ARHGAP4: variants seen among roughly 807,000 people sequenced by gnomAD.
ARHGAP4 encodes Rho GTPase activating protein 4, also known as rho GTPase-activating protein 4.
A neutral mutation model predicts 67.6 loss-of-function variants in ARHGAP4; 25 were observed. The ratio of observed to expected loss-of-function variants is 0.37; its 90% confidence interval spans 0.27 to 0.52. The LOEUF is 0.52. ARHGAP4 is among the 20% of genes least tolerant of loss of function. ARHGAP4 has a pLI of 0.92. For missense variants in ARHGAP4, 804 were observed against 854.6 expected, an observed-to-expected ratio of 0.94 and a Z score of 0.74; for synonymous variants, 448 against 373.7, an observed-to-expected ratio of 1.20 and a Z score of -2.29.
intron 1 of ARHGAP4, among the ~76,000 whole-genome samples, chrX:153,925,908 G>A (rs1277843600): frequency 7.1e-5 from 8 of 113,123 alleles, no homozygotes; most frequent in Non-Finnish European, 1.5e-4. Flanking sequence ...AAGGAGGACA[G>A]AGACCAAAGG....
rs782493227 is a variant in ARHGAP4, at chrX:153,912,709, C to T, written c.1533G>A (p.Lys511=). ...GGGGCAAAGCTAGTACCTGGATAAA[C>T]TTCTCCATGTCTCCCCCAAAGAGTC... is the stretch of plus-strand genomic sequence containing the variant. ...NQRLFGGDME[K]FIQSSGQPVP... is the part of the protein sequence containing the mutation. Residue 511 remains lysine, a synonymous_variant, in exon 12 of 22, where the codon AAG becomes AAA. Coordinates refer to ENST00000350060, the MANE Select transcript of ARHGAP4 (RefSeq NM_001666.5). The T allele has an allele frequency of 8.3e-7, 1 of 1,208,447 alleles. No homozygotes were observed. The highest frequency in any genetic ancestry group is 1.7e-5 in the African/African-American group (1 of 57,761).
At position 153,907,413 on chromosome X, in the gene ARHGAP4, C is replaced by T. The variant is rs2064978440; in HGVS notation, c.*316G>A. The T allele has an allele frequency of 3.2e-6, 1 of 314,555 alleles. No homozygotes were observed. Among genetic ancestry groups the T allele is most frequent in the Non-Finnish European group, 5.7e-6 (1 of 175,872 alleles). The allele number at this position is 314,555 out of a possible 1,213,427, so 25.9% of individuals were successfully genotyped here. A position where few individuals can be genotyped will look rare whatever the true frequency, so the allele number is the denominator to read the frequency against. On this transcript the variant is annotated 3_prime_UTR_variant, in exon 22 of 22. Transcript: ENST00000350060. ...CACGAGGTCTTTATGAATCGCCACCCAGCCCTGCCAGGCATCTGAGCAAGG... is the reference window on the plus strand; with the variant it reads ...CACGAGGTCTTTATGAATCGCCACCTAGCCCTGCCAGGCATCTGAGCAAGG...
Position 153,910,745 on chromosome X carries a change from G to A in ARHGAP4, c.1771C>T (p.Pro591Ser), listed in dbSNP as rs782240907. ...LKLYFRSLEP[P>S]LFPPDLFGEL... is the part of the protein sequence containing the mutation. ...CCGAACAGGTCTGGGGGGAAGAGTG[G>A]GGGCTCCAGGCTCCGGAAGTAGAGC... Residue 591 changes from proline (P) to serine (S), a missense_variant, in exon 15 of 22, where the codon CCA (proline) becomes TCA (serine). Transcript: ENST00000350060. The A allele has an allele frequency of 2.2e-5, 26 of 1,193,139 alleles. No homozygotes were observed. Among genetic ancestry groups the A allele is most frequent in the East Asian group, 3.0e-5 (1 of 32,990 alleles).
At position 153,920,716 on chromosome X, in the gene ARHGAP4, G is replaced by A. The variant is rs1160976403; in HGVS notation, c.591C>T (p.Gly197=). The change falls in exon 5 of 22, where the codon GGC becomes GGT. Residue 197 remains glycine (G), a synonymous_variant. Transcript: ENST00000350060. ...EAERQEEKRA[G]RSVPTTTAGA... ...CAGCGGTGGTGGTGGGGACACTCCG[G>A]CCTGCCCGCTTCTCCTCCTGCCGCT... 20 of 1,210,696 alleles carry A rather than the reference G, an allele frequency of 1.7e-5. No individual in the cohort carries two copies. Among genetic ancestry groups the A allele is most frequent in the Admixed American group, 2.2e-5 (1 of 46,024 alleles).
Position 153,919,233 on chromosome X carries a change from G to A in ARHGAP4, c.732C>T (p.Asn244=), listed in dbSNP as rs782801557. 44 of 1,210,866 alleles carry A rather than the reference G, an allele frequency of 3.6e-5. No individual in the cohort carries two copies. The East Asian group carries it at 5.9e-4, about 16-fold the overall frequency. Reference sequence around the variant, plus strand: ...CACTAGCCAGGCTAAGCAGGTACTCGTTGCGCGCCTTTGTGCACTTGAGTT... The same window carrying A: ...CACTAGCCAGGCTAAGCAGGTACTCATTGCGCGCCTTTGTGCACTTGAGTT... The part of the protein sequence containing the change: ...EHKLKCTKAR[N]EYLLSLASVN... The change falls in exon 6 of 22, where the codon AAC becomes AAT. Residue 244 remains asparagine (N), a synonymous_variant. Transcript: ENST00000350060.
At position 153,907,824 on chromosome X, in the gene ARHGAP4, C is replaced by T; in HGVS notation, c.2746G>A (p.Gly916Ser). 9.9e-7 allele frequency: 1 copy of T among 1,012,389 alleles called. No individual in the cohort carries two copies. The highest frequency in any genetic ancestry group is 1.3e-6 in the Non-Finnish European group (1 of 789,444). 83.4% of individuals were successfully genotyped at this position (1,012,389 alleles called of 1,213,427 possible). A position where few individuals can be genotyped will look rare whatever the true frequency, so the allele number is the denominator to read the frequency against. ...CCCCGGGAGAAGCCTTTGTTCCTGCCCAGGCGGCTGCTGGGCGGGGCCTTT... is the reference window on the plus strand; with the variant it reads ...CCCCGGGAGAAGCCTTTGTTCCTGCTCAGGCGGCTGCTGGGCGGGGCCTTT... ...SPKAPPSSRLGRNKGFSRGPG... is the reference protein window; with the variant it reads ...SPKAPPSSRLSRNKGFSRGPG... Residue 916 changes from glycine to serine, a missense_variant, in exon 22 of 22, where the codon GGC becomes AGC. Coordinates refer to ENST00000350060, the MANE Select transcript of ARHGAP4 (RefSeq NM_001666.5).
intron 12 of ARHGAP4, 62 bp from the exon 13 acceptor site, chrX:153,911,251 G>C: frequency 3.6e-6 from 2 of 561,765 alleles, no homozygotes; most frequent in African/African-American, 2.8e-5. Flanking sequence ...TCATTCAATT[G>C]CTTTTTTTTT....
In ARHGAP4 at chrX:153,921,408, C is replaced by T. The variant is rs1457829264; in HGVS notation, c.392G>A (p.Arg131His). Residue 131 changes from arginine to histidine, a missense_variant, in exon 3 of 22, where the codon CGC becomes CAC. Around this residue, in one of 2 missense-constraint regions of ARHGAP4, gnomAD observed 404 missense variants for 505.9 expected, o/e 0.80. Coordinates refer to ENST00000350060, the MANE Select transcript of ARHGAP4 (RefSeq NM_001666.5). ...CACGTCCTCTGCAATGTGACTCAGG[C>T]GCTGGGCCAGGGGCCCGGCCAGCAC... ...SEVLAGPLAQ[R>H]LSHIAEDVGR... 9.9e-6 allele frequency: 12 copies of T among 1,209,370 alleles called. No individual in the cohort carries two copies. The highest frequency in any genetic ancestry group is 4.4e-5 in the Admixed American group (2 of 45,933).
At chrX:153,918,783 T>C (rs2065072305) in intron 7 of ARHGAP4, 49 bp downstream of exon 7, 4 of 1,160,025 alleles carry the variant, frequency 3.4e-6, no homozygotes, top group Non-Finnish European at 4.7e-6. Flanking sequence ...CTGCCCACCA[T>C]TACAGTGAAG....
At position 153,910,830 on chromosome X, in the gene ARHGAP4, C is replaced by T. The variant is rs62620965; in HGVS notation, c.1686G>A (p.Glu562=). Residue 562 remains glutamate, a synonymous_variant, in exon 15 of 22, where the codon GAG becomes GAA. Coordinates refer to ENST00000350060, the MANE Select transcript of ARHGAP4 (RefSeq NM_001666.5). ...SEIRDAFERG[E]DPLVEGCTAH... is the part of the protein sequence containing the mutation. Reference sequence around the variant, plus strand: ...CAGTGCAGCCCTCCACCAGTGGGTCCTCCCCTGCAGATGGGCGAGTGGTGC... The same window carrying T: ...CAGTGCAGCCCTCCACCAGTGGGTCTTCCCCTGCAGATGGGCGAGTGGTGC... The T allele has an allele frequency of 0.069, 82,388 of 1,188,378 alleles. 2,371 individuals are homozygous for T. Among genetic ancestry groups the T allele is most frequent in the Non-Finnish European group, 0.082 (72,242 of 883,331 alleles).
chrX:153,921,035 C>T lies in ARHGAP4; in HGVS notation c.498+62G>A, dbSNP rs1189811418. On this transcript the variant is annotated intron_variant, in intron 4 of 21. Coordinates refer to ENST00000350060, the MANE Select transcript of ARHGAP4 (RefSeq NM_001666.5). ...TGATGGTCTGGCGGTGTTCCTCCCC[C>T]ACTGTGAGTGGCATTTCTCCCTGGA... 9 of 1,143,263 alleles carry T rather than the reference C, an allele frequency of 7.9e-6. No individual in the cohort carries two copies. The African/African-American group carries it at 9.0e-5, about 11-fold the overall frequency. The allele number at this position is 1,143,263 out of a possible 1,213,427, so 94.2% of individuals were successfully genotyped here.
At chrX:153,918,613 C>T (rs1467003554) in intron 7 of ARHGAP4, among the ~76,000 whole-genome samples, 1 of 112,959 alleles carries the variant, frequency 8.9e-6, no homozygotes, top group Non-Finnish European at 1.9e-5. Context: ...CTGCCTGCTG[C>T]ACGGTTTGAA....
intron 7 of ARHGAP4, among the ~76,000 whole-genome samples, chrX:153,918,625 A>G (rs369083855): frequency 4.4e-5 from 5 of 112,884 alleles, no homozygotes; most frequent in East Asian, 2.8e-4. Context: ...CGGTTTGAAC[A>G]GTTAGTGTCT....
chrX:153,909,048 C>T (rs782065792), intron 21 of ARHGAP4, 22 bp downstream of exon 21: 51 of 1,196,501 alleles, frequency 4.3e-5, no homozygotes, highest in Admixed American at 2.6e-4. Flanking sequence ...ATGTCCCTCA[C>T]CTGCCACACA....
Position 153,922,018 on chromosome X carries a change from C to T in ARHGAP4, c.68-209G>A, listed in dbSNP as rs1012014088. ...GCAGATCTGGCCTCAGCTGTCCAGCCGACCTCTGCGCTGAGGCCAACAGAT... is the reference window on the plus strand; with the variant it reads ...GCAGATCTGGCCTCAGCTGTCCAGCTGACCTCTGCGCTGAGGCCAACAGAT... On this transcript the variant is annotated intron_variant, in intron 1 of 21. Coordinates refer to ENST00000350060, the MANE Select transcript of ARHGAP4 (RefSeq NM_001666.5). 4 of 894,404 alleles carry T rather than the reference C, an allele frequency of 4.5e-6. No homozygotes were observed. The African/African-American group carries it at 6.1e-5, about 14-fold the overall frequency. 73.7% of individuals were successfully genotyped at this position (894,404 alleles called of 1,213,427 possible).
chrX:153,909,656 T>C, intron 19 of ARHGAP4, 85 bp downstream of exon 19: 1 of 1,088,903 alleles, frequency 9.2e-7, no homozygotes, highest in Non-Finnish European at 1.2e-6. Flanking sequence ...AGCCCAGACC[T>C]TCAGAATCTA....
In ARHGAP4 at chrX:153,910,179, G is replaced by A; in HGVS notation, c.2148C>T (p.Ser716=). The change falls in exon 17 of 22, where the codon AGC becomes AGT. Residue 716 remains serine (S), a synonymous_variant. Transcript: ENST00000350060. ...CAGCACCAAGGGTGTACCCCAGGCA[G>A]CTGGCGGAAGGCGGTGCCATGCACT... ...YEKCMAPPSA[S]CLGDAQLESL... The A allele has an allele frequency of 8.3e-7, 1 of 1,211,264 alleles. No individual in the cohort carries two copies. Among genetic ancestry groups the A allele is most frequent in the Non-Finnish European group, 1.1e-6 (1 of 895,422 alleles).
At chrX:153,925,830 C>T (rs946956941) in intron 1 of ARHGAP4, among the ~76,000 whole-genome samples, 9 of 113,200 alleles carry the variant, frequency 8.0e-5, no homozygotes, top group Non-Finnish European at 1.7e-4. Flanking sequence ...CACGTTGGTG[C>T]ATCTGGCTCT....
chrX:153,920,928 C>T, intron 4 of ARHGAP4, 120 bp from the exon 5 acceptor site: 2 of 1,016,615 alleles, frequency 2.0e-6, no homozygotes, highest in Non-Finnish European at 2.7e-6. Context: ...CATGTGAGCA[C>T]TTAGCCTAAC....
Sources: gnomAD v4.1 joint callset for allele counts (sites outside exome capture counted in the v4.1 genomes callset) on GRCh38, gnomAD v4.1.1 for gene constraint, gnomAD v4.1.1 regional missense constraint, MANE v1.5 for transcripts, NCBI Gene and HGNC (gene_info 2026-07-23, HGNC 2026-07-21) for gene names.